PRR16: variants seen among roughly 807,000 people sequenced by gnomAD.
PRR16 encodes protein Largen.
In PRR16, 6 loss-of-function variants were observed where a neutral mutation model predicts 18.2. The ratio of observed to expected loss-of-function variants is 0.33; its 90% CI spans 0.18 to 0.65. The LOEUF (loss-of-function observed/expected upper bound fraction) is 0.65. PRR16 is among the 30% of genes least tolerant of loss of function. The pLI, the probability that PRR16 is intolerant of heterozygous loss-of-function variation, is 0.74. For missense variants in PRR16, 412 were observed against 376.6 expected, an observed-to-expected ratio of 1.09 and a Z score of -0.78; for synonymous variants, 151 against 147.8, an observed-to-expected ratio of 1.02 and a Z score of -0.16.
At chr5:120,563,809 T>C (rs1752650664) in intron 1 of PRR16, among the ~76,000 whole-genome samples, 1 of 152,214 alleles carries the variant, frequency 6.6e-6, no homozygotes, top group Admixed American at 6.5e-5. Flanking sequence ...TCCTTCTGCT[T>C]TCTCAAACAG....
At chr5:120,647,524 G>A (rs964734107) in intron 1 of PRR16, among the ~76,000 whole-genome samples, 5 of 151,946 alleles carry the variant, frequency 3.3e-5, no homozygotes, top group Non-Finnish European at 7.4e-5. Context: ...TTTTTAGTTT[G>A]TCACTCTGTA....
Position 120,551,931 on chromosome 5 carries a change from C to G in PRR16, c.159+87286C>G, listed in dbSNP as rs540795700. Among the ~76,000 whole-genome samples the G allele has an allele frequency of 7.9e-5, 12 of 152,026 alleles. No homozygotes were observed. The South Asian group carries it at 2.5e-3, about 32-fold the overall frequency. On this transcript the variant is annotated intron_variant, in intron 1 of 1. Coordinates refer to ENST00000407149, the MANE Select transcript of PRR16 (RefSeq NM_001300783.2). ...GAATATTTTCACCAAGAATTCAGCT[C>G]AGGATATACAGAGCATCTCATGGAC...
chr5:120,670,017 C>A (rs751094949), intron 1 of PRR16, among the ~76,000 whole-genome samples: 19 of 151,934 alleles, frequency 1.3e-4, no homozygotes, highest in Non-Finnish European at 1.5e-4. Flanking sequence ...TACTTTTATT[C>A]TGACCATAAG....
chr5:120,673,969 A>AG (rs397792827), intron 1 of PRR16, among the ~76,000 whole-genome samples: 1 of 148,662 alleles, frequency 6.7e-6, no homozygotes, highest in African/African-American at 2.5e-5. Context: ...AAAAAAAAAA[A>AG]CCTACTAAAA....
the PRR16 span, among the ~76,000 whole-genome samples, chr5:120,722,192 G>T: frequency 6.6e-6 from 1 of 151,838 alleles, no homozygotes; most frequent in Non-Finnish European, 1.5e-5. Context: ...CCCTGCAAAG[G>T]ATATGAACTC....
chr5:120,792,808 C>T, the PRR16 span, among the ~76,000 whole-genome samples: 2 of 152,204 alleles, frequency 1.3e-5, no homozygotes, highest in South Asian at 2.1e-4. Context: ...CTACATTAAA[C>T]ATTTAATTAC....
chr5:120,563,649 C>T (rs1580728676), intron 1 of PRR16, among the ~76,000 whole-genome samples: 1 of 152,250 alleles, frequency 6.6e-6, no homozygotes, highest in East Asian at 1.9e-4. Flanking sequence ...TGACCTCTGC[C>T]CTGGACAGGT....
chr5:120,535,794 G>A (rs983328704), intron 1 of PRR16, among the ~76,000 whole-genome samples: 2 of 149,318 alleles, frequency 1.3e-5, no homozygotes, highest in Non-Finnish European at 3.0e-5. Context: ...GTGAGATCCT[G>A]TCAAAAAACA....
chr5:120,669,424 A>C (rs545882326), intron 1 of PRR16, among the ~76,000 whole-genome samples: 201 of 152,182 alleles, frequency 1.3e-3, no homozygotes, highest in Non-Finnish European at 1.8e-3. Flanking sequence ...TTTTTAAAAA[A>C]ATCCTTATAT....
rs71623210 is a variant in PRR16 at position 120,537,769 on chromosome 5, GTTTTTTTTTTTTT to G, written c.159+73137_159+73149del. On this transcript the variant is annotated intron_variant, in intron 1 of 1. Transcript: ENST00000407149. ...ACCCATATAACTTGGAATTTTTAAT[GTTTTTTTTTTTTT>G]TTTTTTTTTTTTGAGACGGAGTCTC... 2.6e-5 allele frequency among the ~76,000 whole-genome samples: 3 copies of G among 115,174 alleles called. No individual in the cohort carries two copies. In the East Asian group the frequency reaches 7.5e-4, roughly 29 times the overall value. The allele number at this position is 115,174 out of a possible 152,430, so 75.6% of individuals were successfully genotyped here.
chr5:120,626,838 C>T (rs1054170143), intron 1 of PRR16, among the ~76,000 whole-genome samples: 1 of 152,022 alleles, frequency 6.6e-6, no homozygotes, highest in East Asian at 1.9e-4. Flanking sequence ...AAATAGGAAT[C>T]TTATTTATTT....
At chr5:120,627,247 C>T (rs190405266) in intron 1 of PRR16, among the ~76,000 whole-genome samples, 38 of 152,178 alleles carry the variant, frequency 2.5e-4, no homozygotes, top group African/African-American at 7.7e-4. Context: ...GCTAGCACTC[C>T]GTTTTCCTCA....
At chr5:120,760,257 A>G in the PRR16 span, among the ~76,000 whole-genome samples, 5 of 152,170 alleles carry the variant, frequency 3.3e-5, no homozygotes, top group African/African-American at 1.2e-4. Flanking sequence ...AAAGTTGGGC[A>G]TATCAGTAAG....
chr5:120,723,392 G>A, the PRR16 span, among the ~76,000 whole-genome samples: 7 of 151,652 alleles, frequency 4.6e-5, no homozygotes, highest in East Asian at 1.9e-4. Flanking sequence ...ATTTCAGCAC[G>A]GAAAAAAGAA....
chr5:120,657,408 C>T (rs946961765), intron 1 of PRR16, among the ~76,000 whole-genome samples: 1 of 151,916 alleles, frequency 6.6e-6, no homozygotes, highest in African/African-American at 2.4e-5. Context: ...CTCCTAGTTC[C>T]ATGTTCAGTG....
intron 1 of PRR16, among the ~76,000 whole-genome samples, chr5:120,646,048 T>TTATATATATATATATATATATATATATA (rs10606917): frequency 1.6e-4 from 17 of 104,982 alleles, no homozygotes; most frequent in South Asian, 3.4e-4. Context: ...AATACATATT[T>TTATATATATATATATATATATATATATA]TATATATATA....
intron 1 of PRR16, among the ~76,000 whole-genome samples, chr5:120,501,047 A>G (rs1050292374): frequency 2.0e-5 from 3 of 152,126 alleles, no homozygotes; most frequent in South Asian, 4.1e-4. Flanking sequence ...TAGATTAAGT[A>G]TTTTCTCCTA....
At chr5:120,487,968 T>G (rs919907040) in intron 1 of PRR16, among the ~76,000 whole-genome samples, 1 of 152,256 alleles carries the variant, frequency 6.6e-6, no homozygotes, top group Non-Finnish European at 1.5e-5. Flanking sequence ...TTGTGTATGT[T>G]GAACCAGCCT....
intron 1 of PRR16, among the ~76,000 whole-genome samples, chr5:120,556,462 A>G (rs907004604): frequency 6.6e-6 from 1 of 151,794 alleles, no homozygotes; most frequent in African/African-American, 2.4e-5. Context: ...GCTTTCCAGT[A>G]TACATCTCTG....
Sources: gnomAD v4.1 joint callset for allele counts (sites outside exome capture counted in the v4.1 genomes callset) on GRCh38, gnomAD v4.1.1 for gene constraint, MANE v1.5 for transcripts, NCBI Gene and HGNC (gene_info 2026-07-23, HGNC 2026-07-21) for gene names.